The following ZBTB20 variants were observed in gnomAD, a reference collection of about 807,000 sequenced individuals.
The protein encoded by ZBTB20 is zinc finger and BTB domain-containing protein 20.
A neutral mutation model predicts 56.9 loss-of-function variants in ZBTB20; 9 were observed. The ratio of observed to expected loss-of-function variants is 0.16; its 90% CI spans 0.10 to 0.28. The LOEUF (loss-of-function observed/expected upper bound fraction) is 0.28. Ranked by LOEUF, ZBTB20 falls within the 10% of genes least tolerant of loss-of-function variation. ZBTB20 has a pLI of 1.00. For missense variants in ZBTB20, 655 were observed against 1,003.0 expected, an observed-to-expected ratio of 0.65 and a Z score of 4.69; for synonymous variants, 417 against 420.7, an observed-to-expected ratio of 0.99 and a Z score of 0.11.
At chr3:114,936,979 T>G (rs1415580742) in intron 3 of ZBTB20, among the ~76,000 whole-genome samples, 1 of 152,170 alleles carries the variant, frequency 6.6e-6, no homozygotes, top group Non-Finnish European at 1.5e-5. Flanking sequence ...CAAGGAAGCA[T>G]TTGGTAGGAA....
chr3:114,817,535 A>C (rs1357967384), intron 4 of ZBTB20, among the ~76,000 whole-genome samples: 2 of 150,320 alleles, frequency 1.3e-5, no homozygotes, highest in Non-Finnish European at 3.0e-5. Context: ...AAATAAATAA[A>C]TAAATAAATA....
chr3:115,036,311 T>G (rs577761016), intron 2 of ZBTB20, among the ~76,000 whole-genome samples: 2 of 152,318 alleles, frequency 1.3e-5, no homozygotes, highest in South Asian at 4.1e-4. Flanking sequence ...TCTTTCTTTT[T>G]TTTTTCCGAG....
rs2078626817 is a variant in ZBTB20 at position 114,315,047 on chromosome 3, T to G, written c.*23958A>C. On this transcript the variant is annotated 3_prime_UTR_variant, in exon 12 of 12. Transcript: ENST00000675478. The stretch of plus-strand genomic sequence containing the variant: ...CCAAACAATTTTTCTGTTTGTTTGT[T>G]TGATAACTGACAACAATTTAAGAGT... 6.6e-6 allele frequency: 1 copy of G among 152,194 alleles called. No homozygotes were observed. The highest frequency in any genetic ancestry group is 2.4e-5 in the African/African-American group (1 of 41,448). 9.4% of individuals were successfully genotyped at this position (152,194 alleles called of 1,614,324 possible).
intron 6 of ZBTB20, among the ~76,000 whole-genome samples, chr3:114,669,831 C>A (rs186442534): frequency 6.6e-6 from 1 of 152,100 alleles, no homozygotes; most frequent in Non-Finnish European, 1.5e-5. Context: ...CTGTATGAGT[C>A]ATTTTTAGCA....
rs71146341 is a variant in ZBTB20, at chr3:114,844,330, AATATAT to A, written c.-416-43162_-416-43157del. The stretch of plus-strand genomic sequence containing the variant: ...GTTGCATAAGAAAATTACTGGAGTA[AATATAT>A]ATATATATATATATATATATATATA... On this transcript the variant is annotated intron_variant, in intron 4 of 11. Transcript: ENST00000675478. Among the ~76,000 whole-genome samples, 301 of 99,226 alleles carry A rather than the reference AATATAT, an allele frequency of 3.0e-3. 1 individual carries two copies. Among genetic ancestry groups the A allele is most frequent in the South Asian group, 4.3e-3 (14 of 3,286 alleles). The allele number at this position is 99,226 out of a possible 152,430, so 65.1% of individuals were successfully genotyped here. A position where few individuals can be genotyped will look rare whatever the true frequency, so the allele number is the denominator to read the frequency against.
intron 4 of ZBTB20, chr3:114,876,541 A>T (rs1176611864): frequency 6.6e-6 from 1 of 152,206 alleles, no homozygotes; most frequent in Non-Finnish European, 1.5e-5. Context: ...CTTATTTCTT[A>T]TTCAGGGCTG....
chr3:114,540,527 T>C (rs2048994150), intron 6 of ZBTB20, among the ~76,000 whole-genome samples: 1 of 152,094 alleles, frequency 6.6e-6, no homozygotes, highest in Admixed American at 6.6e-5. Context: ...TGTGGGATGC[T>C]GTGTAAGCAG....
chr3:114,903,206 A>C (rs1273557327), intron 3 of ZBTB20, among the ~76,000 whole-genome samples: 1 of 152,060 alleles, frequency 6.6e-6, no homozygotes, highest in Admixed American at 6.6e-5. Flanking sequence ...CCCCATCTTT[A>C]GTTCTGTGAT....
At chr3:114,786,210 G>T (rs147969548) in intron 5 of ZBTB20, among the ~76,000 whole-genome samples, 1 of 151,938 alleles carries the variant, frequency 6.6e-6, no homozygotes, top group South Asian at 2.1e-4. Flanking sequence ...TGTTACATAG[G>T]TATACACGTG....
chr3:114,341,923 A>T (rs1331064595), intron 11 of ZBTB20, among the ~76,000 whole-genome samples: 1 of 152,216 alleles, frequency 6.6e-6, no homozygotes, highest in Non-Finnish European at 1.5e-5. Flanking sequence ...GAATGCATTA[A>T]CAGTCTCACA....
At chr3:114,691,908 A>G (rs2062720117) in intron 6 of ZBTB20, among the ~76,000 whole-genome samples, 1 of 152,174 alleles carries the variant, frequency 6.6e-6, no homozygotes, top group Non-Finnish European at 1.5e-5. Flanking sequence ...TTACTGGAAA[A>G]GATATGTTCT....
intron 4 of ZBTB20, among the ~76,000 whole-genome samples, chr3:114,886,899 C>G (rs1231463136): frequency 6.6e-6 from 1 of 152,134 alleles, no homozygotes; most frequent in Non-Finnish European, 1.5e-5. Flanking sequence ...TTCCTGTCGC[C>G]TATAACGGAA....
chr3:115,007,127 CT>C (rs2079506129), intron 2 of ZBTB20, among the ~76,000 whole-genome samples: 1 of 151,760 alleles, frequency 6.6e-6, no homozygotes, highest in Non-Finnish European at 1.5e-5. Context: ...CATTAAGACA[CT>C]GTAATTACAT....
intron 5 of ZBTB20, among the ~76,000 whole-genome samples, chr3:114,737,384 T>A (rs79887742): frequency 0.082 from 12,530 of 152,190 alleles, 536 homozygotes; most frequent in Middle Eastern, 0.14. Context: ...ACAAAAATAC[T>A]GCCAAGGGAT....
intron 5 of ZBTB20, among the ~76,000 whole-genome samples, chr3:114,767,581 G>C (rs2068871222): frequency 6.6e-6 from 1 of 150,926 alleles, no homozygotes. Flanking sequence ...AAGGAAGGGA[G>C]GAAGGAAACA....
At chr3:114,662,604 G>A (rs2108089720) in intron 6 of ZBTB20, among the ~76,000 whole-genome samples, 1 of 141,024 alleles carries the variant, frequency 7.1e-6, no homozygotes, top group South Asian at 2.5e-4. Flanking sequence ...ATTCTAACTG[G>A]TGTGAGATGA....
intron 9 of ZBTB20, 137 bp downstream of exon 9, chr3:114,380,640 T>C (rs1288485134): frequency 1.5e-6 from 2 of 1,302,830 alleles, no homozygotes; most frequent in Non-Finnish European, 2.0e-6. Flanking sequence ...TTGGACTCTG[T>C]TGGCTGCATA....
intron 1 of ZBTB20, among the ~76,000 whole-genome samples, chr3:115,095,928 G>T (rs997928007): frequency 3.3e-5 from 5 of 152,138 alleles, no homozygotes; most frequent in African/African-American, 9.7e-5. Context: ...AGTTCCTGGA[G>T]ATTATGCAAA....
At chr3:114,605,648 G>C (rs952290887) in intron 6 of ZBTB20, among the ~76,000 whole-genome samples, 10 of 152,158 alleles carry the variant, frequency 6.6e-5, no homozygotes, top group Non-Finnish European at 1.5e-4. Flanking sequence ...TGAATAACCT[G>C]CTGTAATTGA....
Sources: gnomAD v4.1 joint callset for allele counts (sites outside exome capture counted in the v4.1 genomes callset) on GRCh38, gnomAD v4.1.1 for gene constraint, MANE v1.5 for transcripts, NCBI Gene and HGNC (gene_info 2026-07-23, HGNC 2026-07-21) for gene names.